Variants in PTPRD observed in about 807,000 individuals in gnomAD.
The protein encoded by PTPRD is protein tyrosine phosphatase receptor type D.
PTPRD carries 34 observed loss-of-function variants against 214.5 expected under a neutral mutation model. The observed-to-expected ratio is 0.16, with a 90% CI of 0.12 to 0.21. The LOEUF (loss-of-function observed/expected upper bound fraction) is 0.21. PTPRD is among the 10% of genes least tolerant of loss of function. The pLI is 1.00. For synonymous variants in PTPRD, 1,128 were observed against 845.7 expected (o/e 1.33, Z -5.79); for missense variants, 2,545 against 2,398.7 (o/e 1.06, Z -1.27).
intron 39 of PTPRD, among the ~76,000 whole-genome samples, chr9:8,373,243 T>G (rs925683389): frequency 6.6e-6 from 1 of 152,018 alleles, no homozygotes; most frequent in African/African-American, 2.4e-5. Context: ...AAGTTTTAAC[T>G]TGGCTTGTAT....
intron 5 of PTPRD, among the ~76,000 whole-genome samples, chr9:9,874,682 C>T (rs564137458): frequency 2.0e-5 from 3 of 152,142 alleles, no homozygotes; most frequent in East Asian, 1.9e-4. Context: ...GTTCACAGTC[C>T]TCCAGTCAAA....
intron 7 of PTPRD, among the ~76,000 whole-genome samples, chr9:9,690,038 C>T (rs1045829266): frequency 6.6e-6 from 1 of 151,778 alleles, no homozygotes; most frequent in South Asian, 2.1e-4. Flanking sequence ...TATAGCAGTT[C>T]TATTTGTAGA....
rs1298474299 is a variant in PTPRD at position 8,314,396 on chromosome 9, C to T, written c.*3478G>A. 3.1e-5 allele frequency: 7 copies of T among 229,504 alleles called. No homozygotes were observed. The highest frequency in any genetic ancestry group is 6.7e-5 in the African/African-American group (3 of 45,082). The allele number at this position is 229,504 out of a possible 1,614,324, so 14.2% of individuals were successfully genotyped here. On this transcript the variant is annotated 3_prime_UTR_variant, in exon 46 of 46. Coordinates refer to ENST00000381196, the MANE Select transcript of PTPRD (RefSeq NM_002839.4). ...CCTTTCATTCTGTAAAACATTTACGCGTACTACTAATTAGAGGTAATTGTA... is the reference window on the plus strand; with the variant it reads ...CCTTTCATTCTGTAAAACATTTACGTGTACTACTAATTAGAGGTAATTGTA...
intron 2 of PTPRD, among the ~76,000 whole-genome samples, chr9:10,384,069 G>C (rs1369568478): frequency 1.6e-5 from 2 of 128,332 alleles, no homozygotes; most frequent in African/African-American, 6.2e-5. Context: ...GATGGTTAAT[G>C]GGTACAAAAA....
chr9:8,961,950 T>A (rs1007065293), intron 11 of PTPRD, among the ~76,000 whole-genome samples: 1 of 152,098 alleles, frequency 6.6e-6, no homozygotes, highest in Non-Finnish European at 1.5e-5. Flanking sequence ...TATATAGGAA[T>A]ATATATGAAA....
chr9:8,495,254 A>G (rs1386009026), intron 26 of PTPRD, among the ~76,000 whole-genome samples: 1 of 152,192 alleles, frequency 6.6e-6, no homozygotes, highest in African/African-American at 2.4e-5. Context: ...CCTTACTTCC[A>G]TATTTTAATG....
At chr9:9,229,876 A>C (rs1210878864) in intron 9 of PTPRD, among the ~76,000 whole-genome samples, 2 of 152,146 alleles carry the variant, frequency 1.3e-5, no homozygotes. Context: ...TAGTTACATT[A>C]AATACAGAAA....
intron 2 of PTPRD, among the ~76,000 whole-genome samples, chr9:10,598,674 A>ATGTGTGTGTATGTG (rs2077173131): frequency 7.0e-6 from 1 of 143,796 alleles, no homozygotes; most frequent in African/African-American, 2.6e-5. Context: ...TTATATATGT[A>ATGTGTGTGTATGTG]TGTGTGTGTG....
intron 5 of PTPRD, among the ~76,000 whole-genome samples, chr9:9,919,155 T>A (rs1028475188): frequency 6.6e-6 from 1 of 152,164 alleles, no homozygotes; most frequent in African/African-American, 2.4e-5. Context: ...ATTATTTAAA[T>A]TTTAGGGTGT....
intron 10 of PTPRD, among the ~76,000 whole-genome samples, chr9:9,063,444 A>T (rs2099711425): frequency 6.6e-6 from 1 of 152,194 alleles, no homozygotes; most frequent in Non-Finnish European, 1.5e-5. Flanking sequence ...AGGATAAGAG[A>T]AAAGGCTTCC....
At chr9:9,259,901 C>G (rs1024554250) in intron 9 of PTPRD, among the ~76,000 whole-genome samples, 8 of 151,662 alleles carry the variant, frequency 5.3e-5, no homozygotes, top group African/African-American at 1.9e-4. Flanking sequence ...AAAAGTGATG[C>G]GAGGAGGGTT....
intron 9 of PTPRD, among the ~76,000 whole-genome samples, chr9:9,270,608 A>C (rs1414076450): frequency 6.6e-6 from 1 of 151,320 alleles, no homozygotes; most frequent in African/African-American, 2.4e-5. Flanking sequence ...GATTCCAGGA[A>C]AAATTTGATT....
chr9:10,503,115 T>A (rs1286303536), intron 2 of PTPRD, among the ~76,000 whole-genome samples: 1 of 143,900 alleles, frequency 6.9e-6, no homozygotes, highest in Admixed American at 7.8e-5. Context: ...CTCTCCAATG[T>A]ATGATGATTT....
At chr9:10,284,422 A>G (rs2095269117) in intron 3 of PTPRD, among the ~76,000 whole-genome samples, 1 of 152,166 alleles carries the variant, frequency 6.6e-6, no homozygotes, top group African/African-American at 2.4e-5. Flanking sequence ...TAGTAGAAAA[A>G]CCATGTATGT....
intron 5 of PTPRD, among the ~76,000 whole-genome samples, chr9:9,853,149 G>T (rs1471345607): frequency 1.3e-5 from 2 of 152,184 alleles, no homozygotes; most frequent in African/African-American, 4.8e-5. Context: ...AATATTTTCT[G>T]TAAAGGGGCA....
intron 11 of PTPRD, among the ~76,000 whole-genome samples, chr9:8,920,177 C>T (rs956390663): frequency 6.6e-6 from 1 of 152,002 alleles, no homozygotes; most frequent in Admixed American, 6.6e-5. Flanking sequence ...CCCATCTCTA[C>T]TAACATACCA....
chr9:10,008,597 T>C (rs2096535971), intron 4 of PTPRD, among the ~76,000 whole-genome samples: 1 of 152,020 alleles, frequency 6.6e-6, no homozygotes, highest in South Asian at 2.1e-4. Flanking sequence ...AGCATATATA[T>C]ATACTTAGCC....
chr9:9,921,144 G>A (rs1379225774), intron 5 of PTPRD, among the ~76,000 whole-genome samples: 2 of 152,032 alleles, frequency 1.3e-5, no homozygotes, highest in South Asian at 2.1e-4. Context: ...AGTTATTGGA[G>A]TTGCAAAGCA....
At chr9:9,067,566 T>G (rs750875946) in intron 10 of PTPRD, among the ~76,000 whole-genome samples, 8 of 152,214 alleles carry the variant, frequency 5.3e-5, no homozygotes, top group Non-Finnish European at 1.2e-4. Flanking sequence ...TTCTTATACT[T>G]CAAGGTTTGC....
Sources: allele counts gnomAD v4.1 joint callset (sites outside exome capture counted in the v4.1 genomes callset), GRCh38; gene constraint gnomAD v4.1.1; transcripts MANE v1.5; gene names NCBI Gene and HGNC (gene_info 2026-07-23, HGNC 2026-07-21).